Variants in CARMIL1 observed in about 807,000 individuals in gnomAD.
The protein encoded by CARMIL1 is F-actin-uncapping protein LRRC16A.
A neutral mutation model predicts 177.1 loss-of-function variants in CARMIL1; 90 were observed. The ratio of observed to expected loss-of-function variants is 0.51; its 90% CI spans 0.43 to 0.61. CARMIL1 has a LOEUF of 0.61. Among genes scored for constraint, CARMIL1 ranks in the 20% least tolerant of loss-of-function variants. The pLI is 0.00. For synonymous variants in CARMIL1, 577 were observed against 606.2 expected (o/e 0.95, Z 0.71); for missense variants, 1,380 against 1,667.0 (o/e 0.83, Z 3.00).
chr6:25,298,337 GT>G (rs2150164366), intron 2 of CARMIL1, among the ~76,000 whole-genome samples: 1 of 152,302 alleles, frequency 6.6e-6, no homozygotes, highest in African/African-American at 2.4e-5. Context: ...CCTGTACAAG[GT>G]ACATGTTGTT....
intron 17 of CARMIL1, among the ~76,000 whole-genome samples, chr6:25,504,738 G>T (rs2151031637): frequency 6.6e-6 from 1 of 152,212 alleles, no homozygotes; most frequent in South Asian, 2.1e-4. Flanking sequence ...GTACTGAAAA[G>T]GAGTCTCTTT....
intron 2 of CARMIL1, among the ~76,000 whole-genome samples, chr6:25,404,755 T>TA (rs56012794): frequency 0.22 from 30,296 of 139,040 alleles, 3,750 homozygotes; most frequent in Non-Finnish European, 0.29. Flanking sequence ...GACTTCGTCT[T>TA]AAAAAAAAAA....
In CARMIL1 at chr6:25,600,524, C is replaced by T. The variant is rs769328198; in HGVS notation, c.3330C>T (p.Asp1110=). 4 of 1,613,898 alleles carry T rather than the reference C, an allele frequency of 2.5e-6. No homozygotes were observed. The highest frequency in any genetic ancestry group is 1.1e-5 in the South Asian group (1 of 91,090). ...RSPPVDCPRK[D]TKAAEHNGNS... is the part of the protein sequence containing the mutation. ...CACCTGTGGACTGTCCCAGGAAGGA[C>T]ACAAAGGCCGCCGAGCACAATGGCA... The change falls in exon 33 of 37, where the codon GAC becomes GAT. Residue 1110 remains aspartate (D), a synonymous_variant. Coordinates refer to ENST00000329474, the MANE Select transcript of CARMIL1 (RefSeq NM_017640.6).
chr6:25,466,661 A>G (rs301396), intron 9 of CARMIL1, among the ~76,000 whole-genome samples: 86,694 of 151,920 alleles, frequency 0.57, 24,849 homozygotes, highest in South Asian at 0.67. Context: ...CATAGAATCT[A>G]GGGGTTTAAG....
At chr6:25,420,846 C>T (rs1311555342) in intron 3 of CARMIL1, among the ~76,000 whole-genome samples, 1 of 152,108 alleles carries the variant, frequency 6.6e-6, no homozygotes. Flanking sequence ...AGGAGTTTAT[C>T]ATTTTTATAT....
At chr6:25,312,828 A>G (rs181294457) in intron 2 of CARMIL1, among the ~76,000 whole-genome samples, 210 of 151,174 alleles carry the variant, frequency 1.4e-3, no homozygotes, top group African/African-American at 4.7e-3. Context: ...GCATTATTTA[A>G]GGAAACAGCT....
Position 25,551,037 on chromosome 6 carries a change from A to C in CARMIL1, c.2456A>C (p.Lys819Thr). 6.2e-7 allele frequency: 1 copy of C among 1,613,542 alleles called. No individual in the cohort carries two copies. The highest frequency in any genetic ancestry group is 1.3e-5 in the African/African-American group (1 of 75,024). Residue 819 changes from lysine to threonine, a missense_variant, in exon 27 of 37, where the codon AAA becomes ACA. Physicochemically the swap from Lys to Thr is moderately conservative, Grantham distance 78 (BLOSUM62 -1). Coordinates refer to ENST00000329474, the MANE Select transcript of CARMIL1 (RefSeq NM_017640.6). The stretch of plus-strand genomic sequence containing the variant: ...ATTTCTATTCCACGTACCTTTGTTA[A>C]AAATGTCCTGTTGGAGCAGTCTGGA... ...EKISIPRTFV[K>T]NVLLEQSGID... is the part of the protein sequence containing the mutation.
intron 32 of CARMIL1, among the ~76,000 whole-genome samples, chr6:25,594,967 T>C (rs1814679975): frequency 6.6e-6 from 1 of 152,176 alleles, no homozygotes; most frequent in Non-Finnish European, 1.5e-5. Flanking sequence ...TGTTCATAAT[T>C]TGATTTATTG....
chr6:25,312,913 A>C (rs1472702637), intron 2 of CARMIL1, among the ~76,000 whole-genome samples: 26 of 101,234 alleles, frequency 2.6e-4, no homozygotes, highest in African/African-American at 8.8e-4. Context: ...GTTAAAAAAA[A>C]AAAAAAAAAA....
intron 21 of CARMIL1, among the ~76,000 whole-genome samples, chr6:25,517,144 C>T (rs9379771): frequency 0.12 from 18,620 of 152,158 alleles, 1,619 homozygotes; most frequent in East Asian, 0.4. Context: ...ATACTACTTG[C>T]GTGGTAAATG....
intron 2 of CARMIL1, among the ~76,000 whole-genome samples, chr6:25,384,434 C>T (rs531259747): frequency 6.6e-6 from 1 of 152,314 alleles, no homozygotes; most frequent in South Asian, 2.1e-4. Context: ...TAGTATCAGC[C>T]ACGTGTACAA....
intron 17 of CARMIL1, among the ~76,000 whole-genome samples, chr6:25,501,007 C>T (rs1291812272): frequency 1.3e-5 from 2 of 152,044 alleles, no homozygotes; most frequent in Non-Finnish European, 2.9e-5. Context: ...CATGATCCAC[C>T]CGCCTCAGCC....
At chr6:25,310,072 C>G (rs1783664385) in intron 2 of CARMIL1, among the ~76,000 whole-genome samples, 1 of 152,054 alleles carries the variant, frequency 6.6e-6, no homozygotes, top group Non-Finnish European at 1.5e-5. Context: ...CGGGCCACAT[C>G]TTTTTTTAAT....
At chr6:25,289,945 G>A (rs1318523492) in intron 2 of CARMIL1, among the ~76,000 whole-genome samples, 1 of 152,240 alleles carries the variant, frequency 6.6e-6, no homozygotes, top group African/African-American at 2.4e-5. Flanking sequence ...ATGCCAAGGA[G>A]TGCAATTGCT....
intron 5 of CARMIL1, among the ~76,000 whole-genome samples, chr6:25,443,686 C>T (rs1797962184): frequency 6.6e-6 from 1 of 152,208 alleles, no homozygotes; most frequent in Admixed American, 6.5e-5. Context: ...TGCTAACAGT[C>T]ACCTGAGCCT....
chr6:25,585,170 G>A (rs1813516793), intron 31 of CARMIL1, among the ~76,000 whole-genome samples: 1 of 152,184 alleles, frequency 6.6e-6, no homozygotes, highest in Admixed American at 6.5e-5. Flanking sequence ...GTGCTTTCAT[G>A]TCTAACAGCC....
At chr6:25,361,241 AGT>A (rs1398574395) in intron 2 of CARMIL1, among the ~76,000 whole-genome samples, 3 of 152,172 alleles carry the variant, frequency 2.0e-5, no homozygotes, top group Non-Finnish European at 4.4e-5. Flanking sequence ...TTTTGCAGGT[AGT>A]TTATGGTTTT....
In CARMIL1 at chr6:25,503,431, G is replaced by T. The variant is rs76179038; in HGVS notation, c.1395+3196G>T. Among the ~76,000 whole-genome samples the T allele has an allele frequency of 3.9e-3, 598 of 152,216 alleles. 11 individuals are homozygous for T. In the East Asian group the frequency reaches 0.052, roughly 13 times the overall value. On this transcript the variant is annotated intron_variant, in intron 17 of 36. Coordinates refer to ENST00000329474, the MANE Select transcript of CARMIL1 (RefSeq NM_017640.6). ...TCCACATTTAAGTAGGTTTCAGTTTGCTTCTCTTCATAATATAATAAATCT... is the reference window on the plus strand; with the variant it reads ...TCCACATTTAAGTAGGTTTCAGTTTTCTTCTCTTCATAATATAATAAATCT...
At chr6:25,342,398 T>G (rs569591694) in intron 2 of CARMIL1, among the ~76,000 whole-genome samples, 18 of 152,196 alleles carry the variant, frequency 1.2e-4, no homozygotes, top group Non-Finnish European at 2.1e-4. Context: ...CTCTTCTTAC[T>G]GCAGCTCACC....
Sources: gnomAD v4.1 joint callset for allele counts (sites outside exome capture counted in the v4.1 genomes callset) on GRCh38, gnomAD v4.1.1 for gene constraint, MANE v1.5 for transcripts, NCBI Gene and HGNC (gene_info 2026-07-23, HGNC 2026-07-21) for gene names.